Variants in PRKG1 observed in about 807,000 individuals in gnomAD.
PRKG1 encodes the protein cGMP-dependent protein kinase 1.
In PRKG1, 35 loss-of-function variants were observed where a neutral mutation model predicts 88.1. That is an observed-to-expected ratio of 0.40 (90% CI 0.30 to 0.53). The LOEUF (loss-of-function observed/expected upper bound fraction) is 0.53. PRKG1 is among the 20% of genes least tolerant of loss of function. The pLI, the probability that PRKG1 is intolerant of heterozygous loss-of-function variation, is 0.59. For missense variants in PRKG1, 540 were observed against 839.8 expected (o/e 0.64, Z 4.41); for synonymous variants, 303 against 292.5 (o/e 1.04, Z -0.37).
At chr10:52,027,470 C>G (rs955684335) in intron 5 of PRKG1, among the ~76,000 whole-genome samples, 3 of 152,148 alleles carry the variant, frequency 2.0e-5, no homozygotes, top group African/African-American at 7.2e-5. Context: ...GGGATATATA[C>G]TTTTATACAC....
intron 3 of PRKG1, among the ~76,000 whole-genome samples, chr10:51,591,668 A>T (rs1234628060): frequency 6.6e-6 from 1 of 152,192 alleles, no homozygotes; most frequent in East Asian, 1.9e-4. Context: ...TTAAAAAAGC[A>T]TCTTCCGTAA....
chr10:51,896,974 G>A (rs1000607711), intron 4 of PRKG1, among the ~76,000 whole-genome samples: 2 of 152,062 alleles, frequency 1.3e-5, no homozygotes, highest in African/African-American at 4.8e-5. Flanking sequence ...GCGTGATAAG[G>A]GCTAAACATT....
At chr10:51,664,647 C>T (rs909537802) in intron 3 of PRKG1, among the ~76,000 whole-genome samples, 1 of 152,038 alleles carries the variant, frequency 6.6e-6, no homozygotes, top group East Asian at 1.9e-4. Flanking sequence ...GAATAAGATA[C>T]CCTCTTTGAA....
chr10:52,260,987 A>C lies in PRKG1; in HGVS notation c.1173+9321A>C, dbSNP rs982224745. 2.6e-5 allele frequency among the ~76,000 whole-genome samples: 4 copies of C among 151,850 alleles called. No individual in the cohort carries two copies. The East Asian group carries it at 5.8e-4, about 22-fold the overall frequency. ...ACCCTTTGTTCACAGTATAATTAAAAATAAGAAATTATAAATATTCTTTGA... is the reference window on the plus strand; with the variant it reads ...ACCCTTTGTTCACAGTATAATTAAACATAAGAAATTATAAATATTCTTTGA... On this transcript the variant is annotated intron_variant, in intron 10 of 17. Transcript: ENST00000373980.
chr10:51,170,945 T>C (rs1331941796), intron 2 of PRKG1, among the ~76,000 whole-genome samples: 1 of 152,154 alleles, frequency 6.6e-6, no homozygotes, highest in Non-Finnish European at 1.5e-5. Flanking sequence ...CTTCCAGCGA[T>C]GTAGAATAAA....
chr10:51,192,075 G>T (rs761356441), intron 2 of PRKG1, among the ~76,000 whole-genome samples: 1 of 151,316 alleles, frequency 6.6e-6, no homozygotes, highest in Non-Finnish European at 1.5e-5. Flanking sequence ...CACATATGCT[G>T]AAAAACTTCC....
chr10:51,819,006 C>A (rs1373742216), intron 4 of PRKG1, among the ~76,000 whole-genome samples: 1 of 18,346 alleles, frequency 5.5e-5, no homozygotes, highest in Non-Finnish European at 7.7e-5. Flanking sequence ...GACTCCGTCT[C>A]AAAAAAAAAA....
chr10:52,234,372 A>G lies in PRKG1; in HGVS notation c.1077-17198A>G, dbSNP rs566297713. On this transcript the variant is annotated intron_variant, in intron 9 of 17. Transcript: ENST00000373980. ...TCAGACGATCAAATTACTCTGAGCT[A>G]CGGGAGGACATTCAAACCAAAGGCA... Among the ~76,000 whole-genome samples the G allele has an allele frequency of 5.5e-3, 832 of 152,266 alleles. 6 individuals are homozygous for G. Among genetic ancestry groups the G allele is most frequent in the African/African-American group, 0.019 (789 of 41,520 alleles).
intron 3 of PRKG1, among the ~76,000 whole-genome samples, chr10:51,478,299 GA>G (rs1564515239): frequency 6.6e-6 from 1 of 152,030 alleles, no homozygotes; most frequent in Non-Finnish European, 1.5e-5. Flanking sequence ...ATGCAGCCTG[GA>G]AATTCAAGAC....
chr10:51,082,879 A>T (rs1193234085), intron 1 of PRKG1, among the ~76,000 whole-genome samples: 1 of 152,164 alleles, frequency 6.6e-6, no homozygotes, highest in African/African-American at 2.4e-5. Flanking sequence ...GCTTTAAAAC[A>T]TACATTTGCT....
chr10:51,316,602 A>C (rs1841327104), intron 2 of PRKG1, among the ~76,000 whole-genome samples: 1 of 152,136 alleles, frequency 6.6e-6, no homozygotes, highest in East Asian at 1.9e-4. Flanking sequence ...GAGTTGCTTG[A>C]ACCCGGGAGA....
At chr10:52,025,334 G>C (rs1845307392) in intron 5 of PRKG1, among the ~76,000 whole-genome samples, 1 of 152,158 alleles carries the variant, frequency 6.6e-6, no homozygotes, top group Non-Finnish European at 1.5e-5. Flanking sequence ...AGTTTAATTA[G>C]ATCCCATTTG....
At chr10:51,250,219 CAAGAAAATG>C (rs1564655309) in intron 2 of PRKG1, among the ~76,000 whole-genome samples, 1 of 151,670 alleles carries the variant, frequency 6.6e-6, no homozygotes, top group Non-Finnish European at 1.5e-5. Flanking sequence ...TTGCTTTTGG[CAAGAAAATG>C]AATATTTGGT....
rs181968073 is a variant in PRKG1 at position 51,895,183 on chromosome 10, C to G, written c.699-12324C>G. On this transcript the variant is annotated intron_variant, in intron 4 of 17. Transcript: ENST00000373980. The stretch of plus-strand genomic sequence containing the variant: ...AGTTTCCATGAGAAAAGGCATAAAG[C>G]TTAAGGCTTACATAGAGAAGGGCAG... Among the ~76,000 whole-genome samples, 48 of 152,244 alleles carry G rather than the reference C, an allele frequency of 3.2e-4. No individual in the cohort carries two copies. In the East Asian group the frequency reaches 8.9e-3, roughly 28 times the overall value.
chr10:51,765,130 T>C (rs1838124945), intron 3 of PRKG1, among the ~76,000 whole-genome samples: 1 of 152,238 alleles, frequency 6.6e-6, no homozygotes. Context: ...AGCTAGTTTC[T>C]TGAATTCCTT....
At chr10:51,836,718 C>T (rs145916404) in intron 4 of PRKG1, among the ~76,000 whole-genome samples, 96 of 152,160 alleles carry the variant, frequency 6.3e-4, no homozygotes, top group African/African-American at 2.2e-3. Flanking sequence ...AAAAAACCCT[C>T]AAATAATCCT....
chr10:51,559,431 A>G (rs1195511810), intron 3 of PRKG1, among the ~76,000 whole-genome samples: 1 of 152,098 alleles, frequency 6.6e-6, no homozygotes, highest in Non-Finnish European at 1.5e-5. Context: ...GTCAAAAGGC[A>G]TTATTAGTGC....
At chr10:51,433,566 G>C (rs1378642461) in intron 2 of PRKG1, among the ~76,000 whole-genome samples, 1 of 151,938 alleles carries the variant, frequency 6.6e-6, no homozygotes, top group Non-Finnish European at 1.5e-5. Flanking sequence ...CCAGGCCTTT[G>C]GCTTTTAAAT....
At chr10:51,973,380 C>T (rs1843755357) in intron 5 of PRKG1, among the ~76,000 whole-genome samples, 1 of 152,156 alleles carries the variant, frequency 6.6e-6, no homozygotes. Flanking sequence ...GCACCATCCT[C>T]CTTTTCATTC....
Sources: gnomAD v4.1 joint callset for allele counts (sites outside exome capture counted in the v4.1 genomes callset) on GRCh38, gnomAD v4.1.1 for gene constraint, MANE v1.5 for transcripts, NCBI Gene and HGNC (gene_info 2026-07-23, HGNC 2026-07-21) for gene names.